The following MEI4 variants were observed in gnomAD, a reference collection of about 807,000 sequenced individuals.
MEI4 encodes meiosis-specific protein MEI4.
A neutral mutation model predicts 31.4 loss-of-function variants in MEI4; 27 were observed. The ratio of observed to expected loss-of-function variants is 0.86; its 90% CI spans 0.63 to 1.19. The LOEUF (loss-of-function observed/expected upper bound fraction) is 1.19. Ranked by LOEUF, MEI4 falls within the 50% of genes most tolerant of loss-of-function variation. The pLI is 0.00. For missense variants in MEI4, 329 were observed against 398.9 expected (o/e 0.82, Z 1.49); for synonymous variants, 122 against 145.4 (o/e 0.84, Z 1.16).
chr6:77,876,107 C>T lies in MEI4; in HGVS notation c.901-46982C>T, dbSNP rs144007641. Among the ~76,000 whole-genome samples the T allele has an allele frequency of 1.4e-3, 211 of 152,280 alleles. 1 individual carries two copies. Among genetic ancestry groups the T allele is most frequent in the African/African-American group, 4.5e-3 (185 of 41,554 alleles). ...GCTCTATCATGACCCAGGTCAGCTT[C>T]ACTGTTTCTTTATCTATATGATAGA... is the stretch of plus-strand genomic sequence containing the variant. On this transcript the variant is annotated intron_variant, in intron 4 of 4. Transcript: ENST00000684080.
intron 1 of MEI4, among the ~76,000 whole-genome samples, chr6:77,676,266 G>A (rs967149392): frequency 1.3e-5 from 2 of 151,856 alleles, no homozygotes; most frequent in Admixed American, 1.3e-4. Flanking sequence ...TTCATAAATT[G>A]TAGTTGTACT....
At chr6:77,890,581 G>A (rs1374694316) in intron 4 of MEI4, among the ~76,000 whole-genome samples, 3 of 152,146 alleles carry the variant, frequency 2.0e-5, no homozygotes, top group Non-Finnish European at 4.4e-5. Context: ...GTTAATGCTA[G>A]AATGAGTTAA....
chr6:77,709,642 C>G (rs924081704), intron 2 of MEI4, among the ~76,000 whole-genome samples: 1 of 152,120 alleles, frequency 6.6e-6, no homozygotes. Context: ...AGAATTTAGG[C>G]ACCTTTCTCT....
chr6:77,702,647 T>C (rs1330547813), intron 2 of MEI4, among the ~76,000 whole-genome samples: 1 of 152,164 alleles, frequency 6.6e-6, no homozygotes, highest in African/African-American at 2.4e-5. Flanking sequence ...CCCTTTCTAG[T>C]CTAAATTGCA....
chr6:77,923,702 T>TAATC lies in MEI4; in HGVS notation c.*359_*362dup, dbSNP rs1426523598. The TAATC allele has an allele frequency of 7.8e-6, 1 of 128,956 alleles. No homozygotes were observed. Among genetic ancestry groups the TAATC allele is most frequent in the Non-Finnish European group, 1.5e-5 (1 of 65,050 alleles). 8.0% of individuals were successfully genotyped at this position (128,956 alleles called of 1,614,324 possible). ...TTTCCATATAATTGATGCTAAATGG[T>TAATC]AATCAAAGAAAGAGATTTTTAAAGA... On this transcript the variant is annotated 3_prime_UTR_variant, in exon 5 of 5. Transcript: ENST00000684080.
intron 4 of MEI4, among the ~76,000 whole-genome samples, chr6:77,833,716 C>G (rs897132320): frequency 6.6e-6 from 1 of 151,934 alleles, no homozygotes; most frequent in Non-Finnish European, 1.5e-5. Context: ...TTTGCTGCAC[C>G]CATCAACCCG....
intron 3 of MEI4, among the ~76,000 whole-genome samples, chr6:77,785,870 C>G (rs1400968025): frequency 1.3e-5 from 2 of 152,094 alleles, no homozygotes; most frequent in Non-Finnish European, 2.9e-5. Flanking sequence ...TAACCAGAGT[C>G]CCTAATCCTC....
chr6:77,859,561 G>T (rs1333180081), intron 4 of MEI4, among the ~76,000 whole-genome samples: 1 of 152,064 alleles, frequency 6.6e-6, no homozygotes, highest in Non-Finnish European at 1.5e-5. Flanking sequence ...TCGCCATTCT[G>T]AGTGTCATGA....
intron 1 of MEI4, among the ~76,000 whole-genome samples, chr6:77,674,872 A>G (rs1768812048): frequency 6.6e-6 from 1 of 152,128 alleles, no homozygotes; most frequent in Non-Finnish European, 1.5e-5. Context: ...TACTTTGTCT[A>G]CATATGGATA....
At chr6:77,651,653 A>T (rs186297672), upstream of MEI4, among the ~76,000 whole-genome samples, 1,918 of 152,296 alleles carry the variant, frequency 0.013, 18 homozygotes, top group Non-Finnish European at 0.02. Context: ...GTTGCTATCC[A>T]TTATTCTATT....
At chr6:77,840,576 ATTCT>A (rs1770334378) in intron 4 of MEI4, among the ~76,000 whole-genome samples, 1 of 152,010 alleles carries the variant, frequency 6.6e-6, no homozygotes, top group African/African-American at 2.4e-5. Context: ...ACTAAAGATA[ATTCT>A]TTCTCCTTTT....
chr6:77,777,793 T>A (rs1490434690), intron 3 of MEI4, among the ~76,000 whole-genome samples: 2 of 151,936 alleles, frequency 1.3e-5, no homozygotes, highest in Non-Finnish European at 2.9e-5. Context: ...AAACTTACAT[T>A]TAAAATGCAT....
chr6:77,804,303 G>A (rs1338339667), intron 3 of MEI4, among the ~76,000 whole-genome samples: 1 of 152,320 alleles, frequency 6.6e-6, no homozygotes, highest in South Asian at 2.1e-4. Context: ...ACCGTTGGAA[G>A]AGCGCAGTAT....
intron 2 of MEI4, among the ~76,000 whole-genome samples, chr6:77,744,025 A>G (rs1767504022): frequency 6.6e-6 from 1 of 152,234 alleles, no homozygotes; most frequent in Non-Finnish European, 1.5e-5. Flanking sequence ...GAGAAAAAAC[A>G]GAGCAGAAAA....
chr6:77,884,385 T>G (rs2127729859), intron 4 of MEI4, among the ~76,000 whole-genome samples: 1 of 152,316 alleles, frequency 6.6e-6, no homozygotes, highest in African/African-American at 2.4e-5. Flanking sequence ...CTATTATTGT[T>G]TTTGTTGCTT....
At chr6:77,689,178 T>C (rs1055789511) in intron 1 of MEI4, among the ~76,000 whole-genome samples, 1 of 152,062 alleles carries the variant, frequency 6.6e-6, no homozygotes, top group Admixed American at 6.6e-5. Context: ...TTACTTTTTT[T>C]ATCTTCCCCA....
chr6:77,918,881 T>C (rs948672007), intron 4 of MEI4, among the ~76,000 whole-genome samples: 1 of 152,124 alleles, frequency 6.6e-6, no homozygotes, highest in African/African-American at 2.4e-5. Context: ...TTTTTGCCCA[T>C]TCAGTATGAT....
At chr6:77,818,192 G>T (rs1202310506) in intron 3 of MEI4, among the ~76,000 whole-genome samples, 1 of 152,018 alleles carries the variant, frequency 6.6e-6, no homozygotes, top group African/African-American at 2.4e-5. Context: ...ATTACTGTAA[G>T]TTTTTATTTG....
chr6:77,690,470 G>A (rs1340483617), intron 1 of MEI4, among the ~76,000 whole-genome samples, 188 bp from the exon 2 acceptor site: 1 of 151,842 alleles, frequency 6.6e-6, no homozygotes, highest in African/African-American at 2.4e-5. Context: ...ATGCATGTGT[G>A]TGTATTTTTC....
Sources: gnomAD v4.1 joint callset for allele counts (sites outside exome capture counted in the v4.1 genomes callset) on GRCh38, gnomAD v4.1.1 for gene constraint, MANE v1.5 for transcripts, NCBI Gene and HGNC (gene_info 2026-07-23, HGNC 2026-07-21) for gene names.